Variants in CPT1C observed in about 807,000 individuals in gnomAD.
CPT1C encodes the protein palmitoyl thioesterase CPT1C.
A neutral mutation model predicts 97.3 loss-of-function variants in CPT1C; 61 were observed. That is an observed-to-expected ratio of 0.63 (90% CI 0.51 to 0.78). CPT1C has a LOEUF of 0.78. CPT1C is among the 30% of genes least tolerant of loss of function. The probability of loss-of-function intolerance (pLI) is 0.00; values close to 1 mark genes in which losing one functional copy is unlikely to be tolerated. For synonymous variants in CPT1C, 469 were observed against 447.2 expected, an observed-to-expected ratio of 1.05 and a Z score of -0.61; for missense variants, 975 against 1,065.5, an observed-to-expected ratio of 0.92 and a Z score of 1.18.
chr19:49,700,768 G>A lies in CPT1C; in HGVS notation c.366G>A (p.Leu122=). The change falls in exon 5 of 20, where the codon CTG becomes CTA. Residue 122 remains leucine, a synonymous_variant. Transcript: ENST00000598293. ...TGTGGGGAGCCCTGATCTTCACACTGCACGTGGCCCTGAGGCTGCTTCTGT... is the reference window on the plus strand; with the variant it reads ...TGTGGGGAGCCCTGATCTTCACACTACACGTGGCCCTGAGGCTGCTTCTGT... The part of the protein sequence containing the change: ...SCLWGALIFT[L]HVALRLLLSY... 1.9e-6 allele frequency: 3 copies of A among 1,613,266 alleles called. No homozygotes were observed. Among genetic ancestry groups the A allele is most frequent in the Non-Finnish European group, 2.5e-6 (3 of 1,179,992 alleles).
In CPT1C at chr19:49,697,340, C is replaced by T. The variant is rs149279870; in HGVS notation, c.156C>T (p.Thr52=). 69 of 1,614,098 alleles carry T rather than the reference C, an allele frequency of 4.3e-5. No individual in the cohort carries two copies. The highest frequency in any genetic ancestry group is 1.0e-4 in the Admixed American group (6 of 60,000). The part of the protein sequence containing the change: ...HLSRFWNDFL[T]GVFPASPLSW... ...CCTCCCCACAGAATGACTTTCTCAC[C>T]GGTGTGTTTCCTGCCAGCCCCCTCA... The change falls in exon 4 of 20, where the codon ACC becomes ACT. Residue 52 remains threonine (T), a synonymous_variant. Coordinates refer to ENST00000598293, the MANE Select transcript of CPT1C (RefSeq NM_001199753.2).
chr19:49,705,988 C>T lies in CPT1C; in HGVS notation c.1044C>T (p.Ser348=). The T allele has an allele frequency of 1.2e-6, 2 of 1,614,044 alleles. No homozygotes were observed. Among genetic ancestry groups the T allele is most frequent in the Non-Finnish European group, 1.7e-6 (2 of 1,180,002 alleles). ...GATTCTTCCGCATGGGGACCCACTCCCGAAACAGCCTGCTTTCCCCGAGAG... is the reference window on the plus strand; with the variant it reads ...GATTCTTCCGCATGGGGACCCACTCTCGAAACAGCCTGCTTTCCCCGAGAG... ...RGRFFRMGTH[S]RNSLLSPRAL... The change falls in exon 11 of 20, where the codon TCC becomes TCT. Residue 348 remains serine, a synonymous_variant. Transcript: ENST00000598293.
At chr19:49,701,953 A>AATATATAATATT (rs1568520306) in intron 7 of CPT1C, among the ~76,000 whole-genome samples, 3 of 78,192 alleles carry the variant, frequency 3.8e-5, no homozygotes, top group African/African-American at 2.1e-4. Flanking sequence ...TTTATATATA[A>AATATATAATATT]ATATATTTAT....
In CPT1C at chr19:49,706,963, G is replaced by A. The variant is rs1164687469; in HGVS notation, c.1343+550G>A. ...CCCCCAAAAGCCTTGAACCTTCCTC[G>A]GCAAGTTTCCTAAAAATCTCCAAAC... is the stretch of plus-strand genomic sequence containing the variant. On this transcript the variant is annotated intron_variant, in intron 12 of 19. Coordinates refer to ENST00000598293, the MANE Select transcript of CPT1C (RefSeq NM_001199753.2). The surrounding 1 kb of genome is among the most constrained non-coding windows in gnomAD (Gnocchi z 4.8). 6.6e-6 allele frequency among the ~76,000 whole-genome samples: 1 copy of A among 151,982 alleles called. No homozygotes were observed. Among genetic ancestry groups the A allele is most frequent in the African/African-American group, 2.4e-5 (1 of 41,388 alleles).
chr19:49,711,644 A>G (rs72626237), intron 16 of CPT1C, 165 bp from the exon 17 acceptor site: 15,186 of 745,214 alleles, frequency 0.02, 953 homozygotes, highest in East Asian at 0.13. Flanking sequence ...AACCTGGCCA[A>G]ATGATTTCCC....
Position 49,713,420 on chromosome 19 carries a change from G to C in CPT1C, c.2227G>C (p.Asp743His). 6.2e-7 allele frequency: 1 copy of C among 1,609,590 alleles called. No homozygotes were observed. Among genetic ancestry groups the C allele is most frequent in the Non-Finnish European group, 8.5e-7 (1 of 1,177,940 alleles). The change falls in exon 20 of 20, where the codon GAT (aspartate) becomes CAT (histidine). Residue 743 changes from aspartate to histidine, a missense_variant and splice_region_variant. Asp to His is a moderately conservative substitution (Grantham distance 81). Around this residue, in one of 3 missense-constraint regions of CPT1C, gnomAD observed 344 missense variants for 395.7 expected, o/e 0.87. Transcript: ENST00000598293. ...TGGCTCTGACCTGTTCTCCTTCCAG[G>C]ATTCCCACAGGCTGGGGCAGCACAT... Reference protein sequence around the residue: ...ISSKKSSTKTDSHRLGQHIED... With the variant: ...ISSKKSSTKTHSHRLGQHIED...
chr19:49,712,774 C>T lies in CPT1C; in HGVS notation c.2058C>T (p.Ile686=). The T allele has an allele frequency of 6.2e-7, 1 of 1,614,032 alleles. No homozygotes were observed. The highest frequency in any genetic ancestry group is 2.2e-5 in the East Asian group (1 of 44,870). ...SEQWQLSTSQ[I]PVQQMHLFDV... ...AGTGGCAGCTGTCCACCAGCCAGATCCCTGTTCAGCAAATGCATCTGTTTG... is the reference window on the plus strand; with the variant it reads ...AGTGGCAGCTGTCCACCAGCCAGATTCCTGTTCAGCAAATGCATCTGTTTG... The change falls in exon 18 of 20, where the codon ATC becomes ATT. Residue 686 remains isoleucine, a synonymous_variant. Coordinates refer to ENST00000598293, the MANE Select transcript of CPT1C (RefSeq NM_001199753.2).
Position 49,713,616 on chromosome 19 carries a change from CA to C in CPT1C, c.*12del. 1 of 1,601,846 alleles carries C rather than the reference CA, an allele frequency of 6.2e-7. No homozygotes were observed. Among genetic ancestry groups the C allele is most frequent in the South Asian group, 1.1e-5 (1 of 88,864 alleles). On this transcript the variant is annotated 3_prime_UTR_variant, in exon 20 of 20. Transcript: ENST00000598293. ...TCCACCGACTTCTGACTCCTTCCAG[CA>C]GGCAGCTGGCCTCTCCAAGGAATAA... is the stretch of plus-strand genomic sequence containing the variant.
chr19:49,699,908 A>G (rs1003283239), intron 4 of CPT1C, among the ~76,000 whole-genome samples: 2 of 151,734 alleles, frequency 1.3e-5, no homozygotes, highest in East Asian at 3.9e-4. Flanking sequence ...GAGCCGAGAT[A>G]GTGCCACTGC....
chr19:49,702,188 AGGC>A (rs1164699198), intron 7 of CPT1C, among the ~76,000 whole-genome samples: 2 of 123,792 alleles, frequency 1.6e-5, no homozygotes, highest in African/African-American at 6.6e-5. Context: ...ATTTATATAT[AGGC>A]TTATATATTT....
chr19:49,693,147 G>GAATGAGC (rs2082448637), intron 3 of CPT1C, among the ~76,000 whole-genome samples: 1 of 152,160 alleles, frequency 6.6e-6, no homozygotes, highest in Admixed American at 6.6e-5. Context: ...CAAAGCGCTT[G>GAATGAGC]GGTTACAGGA....
chr19:49,694,079 TAAAATAAAAAA>T (rs1388619792), intron 3 of CPT1C, among the ~76,000 whole-genome samples: 1 of 144,480 alleles, frequency 6.9e-6, no homozygotes. Flanking sequence ...AAAAATAAAA[TAAAATAAAAAA>T]TAAATAAATA....
intron 7 of CPT1C, among the ~76,000 whole-genome samples, chr19:49,703,483 G>A (rs2083306887): frequency 6.6e-6 from 1 of 150,414 alleles, no homozygotes; most frequent in African/African-American, 2.5e-5. Flanking sequence ...TTACAGGCGT[G>A]AGCCACCATG....
chr19:49,705,256 G>A lies in CPT1C; in HGVS notation c.922G>A (p.Glu308Lys), dbSNP rs1474287855. The stretch of plus-strand genomic sequence containing the variant: ...GCGCCCCTTATGCTCTGCCCAGTAC[G>A]AGAAGATCTTCAACACCACGCGGAT... Reference protein sequence around the residue: ...GMRPLCSAQYEKIFNTTRIPG... With the variant: ...GMRPLCSAQYKKIFNTTRIPG... Residue 308 changes from glutamate (E) to lysine (K), a missense_variant, in exon 10 of 20, where the codon GAG becomes AAG. This residue lies in a region of CPT1C where 596 missense variants were observed against 603.1 expected (regional missense o/e 0.99). Coordinates refer to ENST00000598293, the MANE Select transcript of CPT1C (RefSeq NM_001199753.2). 7 of 1,610,630 alleles carry A rather than the reference G, an allele frequency of 4.3e-6. No homozygotes were observed. The highest frequency in any genetic ancestry group is 2.2e-5 in the East Asian group (1 of 44,786).
At position 49,701,499 on chromosome 19, in the gene CPT1C, C is replaced by A. The variant is rs1447368316; in HGVS notation, c.558C>A (p.Tyr186Ter). 5 of 1,606,726 alleles carry A rather than the reference C, an allele frequency of 3.1e-6. No homozygotes were observed. Among genetic ancestry groups the A allele is most frequent in the Non-Finnish European group, 4.3e-6 (5 of 1,174,784 alleles). ...VPSVQDTVRK[Y>*]LESVRPILSD... The stretch of plus-strand genomic sequence containing the variant: ...ACCTGCCCTCTTCTCCCCTTTAGTA[C>A]CTGGAGTCGGTCCGGCCCATCCTCT... The change falls in exon 7 of 20, where the codon TAC becomes TAA. Residue 186 changes from tyrosine (Y) to a stop codon, truncating the protein, a stop_gained and splice_region_variant. Coordinates refer to ENST00000598293, the MANE Select transcript of CPT1C (RefSeq NM_001199753.2). LOFTEE classifies it high-confidence loss of function.
In CPT1C at chr19:49,707,971, T is replaced by G. The variant is rs1600129594; in HGVS notation, c.1449+348T>G. ...TGAGCTGACATTGTGCCACTGTACT[T>G]CAGCCTGGGCGACAGAGCAAGAATA... On this transcript the variant is annotated intron_variant, in intron 13 of 19. Transcript: ENST00000598293. Among the ~76,000 whole-genome samples, 4 of 128,000 alleles carry G rather than the reference T, an allele frequency of 3.1e-5. 1 individual carries two copies. The Admixed American group carries it at 4.0e-4, about 13-fold the overall frequency. 84.0% of individuals were successfully genotyped at this position (128,000 alleles called of 152,430 possible). A position where few individuals can be genotyped will look rare whatever the true frequency, so the allele number is the denominator to read the frequency against.
intron 3 of CPT1C, among the ~76,000 whole-genome samples, chr19:49,694,038 C>A (rs1385348775): frequency 6.6e-6 from 1 of 150,928 alleles, no homozygotes; most frequent in Non-Finnish European, 1.5e-5. Flanking sequence ...GCACTCCAGC[C>A]TGGGCGACAG....
intron 4 of CPT1C, among the ~76,000 whole-genome samples, chr19:49,700,225 C>T (rs1450203924): frequency 1.3e-5 from 2 of 150,038 alleles, no homozygotes; most frequent in Admixed American, 6.8e-5. Flanking sequence ...CCAGCCTGGG[C>T]GACAGAGCGA....
chr19:49,712,927 A>T, intron 18 of CPT1C, 45 bp from the exon 19 acceptor site: 1 of 1,594,420 alleles, frequency 6.3e-7, no homozygotes, highest in Non-Finnish European at 8.6e-7. Flanking sequence ...GTGGGGGTGG[A>T]GGGGACCGGA....
Sources: gnomAD v4.1 joint callset for allele counts (sites outside exome capture counted in the v4.1 genomes callset) on GRCh38, gnomAD v4.1.1 for gene constraint, gnomAD v4.1.1 regional missense constraint, Gnocchi (gnomAD v3.1) non-coding constraint, MANE v1.5 for transcripts, NCBI Gene and HGNC (gene_info 2026-07-23, HGNC 2026-07-21) for gene names.